Variants in PRSS23 observed in about 807,000 individuals in gnomAD.
PRSS23 encodes the protein protease, serine 23.
In PRSS23, 25 loss-of-function variants were observed where a neutral mutation model predicts 34.7. The observed-to-expected ratio is 0.72, with a 90% confidence interval of 0.53 to 1.01. PRSS23 has a LOEUF of 1.01. PRSS23 is among the 50% of genes least tolerant of loss of function. The pLI, the probability that PRSS23 is intolerant of heterozygous loss-of-function variation, is 0.00. For synonymous variants in PRSS23, 176 were observed against 186.6 expected, an observed-to-expected ratio of 0.94 and a Z score of 0.46; for missense variants, 445 against 475.6, an observed-to-expected ratio of 0.94 and a Z score of 0.60.
At chr11:86,853,237 C>T (rs1948543376) in intron 2 of PRSS23, among the ~76,000 whole-genome samples, 2 of 128,388 alleles carry the variant, frequency 1.6e-5, no homozygotes, top group Admixed American at 8.7e-5. Flanking sequence ...GTCACAAGTG[C>T]CTGCCTTTTT....
At position 86,920,612 on chromosome 11, in the gene PRSS23, C is replaced by T. The variant is rs1171822615; in HGVS notation, c.207-30604C>T. Among the ~76,000 whole-genome samples, 4 of 151,950 alleles carry T rather than the reference C, an allele frequency of 2.6e-5. No individual in the cohort carries two copies. The East Asian group carries it at 5.8e-4, about 22-fold the overall frequency. On this transcript the variant is annotated intron_variant, in intron 2 of 2. Coordinates refer to the PRSS23 transcript ENST00000533902. Reference sequence around the variant, plus strand: ...ATGGAGTTTGCCAGAGGAGACTCTTCAGGAAGAGAGAACAGAGTGGGAATA... The same window carrying T: ...ATGGAGTTTGCCAGAGGAGACTCTTTAGGAAGAGAGAACAGAGTGGGAATA...
chr11:86,821,467 A>G (rs1290985800), intron 1 of PRSS23: 2 of 1,606,232 alleles, frequency 1.2e-6, no homozygotes, highest in East Asian at 2.2e-5. Context: ...AGGCTATAGC[A>G]GGACACTCTT....
chr11:86,802,382 T>G (rs1252171899), intron 1 of PRSS23, among the ~76,000 whole-genome samples: 1 of 152,214 alleles, frequency 6.6e-6, no homozygotes, highest in Non-Finnish European at 1.5e-5. Context: ...ACTGTAATTC[T>G]TAAACGATTA....
intron 2 of PRSS23, chr11:86,832,530 C>T (rs930326388): frequency 1.9e-5 from 6 of 324,194 alleles, no homozygotes; most frequent in African/African-American, 1.3e-4. Flanking sequence ...TGAGATTAAA[C>T]TGTTCTGCCA....
At chr11:86,857,603 A>G (rs1041751027) in intron 2 of PRSS23, 6 of 511,054 alleles carry the variant, frequency 1.2e-5, no homozygotes, top group South Asian at 6.0e-5. Context: ...AGGATTCATG[A>G]TGACTCGGTA....
At chr11:86,868,747 C>T (rs1948666716) in intron 2 of PRSS23, among the ~76,000 whole-genome samples, 1 of 152,156 alleles carries the variant, frequency 6.6e-6, no homozygotes, top group Non-Finnish European at 1.5e-5. Flanking sequence ...GGAAGCAAAG[C>T]ACTTTGGAAT....
intron 2 of PRSS23, among the ~76,000 whole-genome samples, chr11:86,877,132 C>T (rs1410906605): frequency 2.0e-5 from 3 of 152,222 alleles, no homozygotes; most frequent in Admixed American, 2.0e-4. Context: ...CACAGTGCCT[C>T]ATTCAGCCCT....
intron 2 of PRSS23, among the ~76,000 whole-genome samples, chr11:86,897,381 C>T (rs1191683826): frequency 1.3e-5 from 2 of 151,676 alleles, no homozygotes; most frequent in Admixed American, 6.6e-5. Flanking sequence ...GCTGGAATTA[C>T]AGGAGTGAGC....
chr11:86,890,898 C>G (rs768802306), intron 2 of PRSS23, among the ~76,000 whole-genome samples: 62 of 152,174 alleles, frequency 4.1e-4, no homozygotes, highest in Non-Finnish European at 7.6e-4. Flanking sequence ...CTTCTTCAGC[C>G]TCTTGAACCT....
chr11:86,821,836 A>G (rs1948254720), intron 1 of PRSS23: 1 of 516,658 alleles, frequency 1.9e-6, no homozygotes, highest in Non-Finnish European at 3.4e-6. Context: ...GTCTGGGCCT[A>G]TTGGCTCGAT....
At chr11:86,792,988 T>C (rs1217042833) in intron 1 of PRSS23, among the ~76,000 whole-genome samples, 1 of 152,230 alleles carries the variant, frequency 6.6e-6, no homozygotes, top group Admixed American at 6.5e-5. Context: ...CCCAGGTAGC[T>C]GGGACTACAA....
Position 86,939,700 on chromosome 11 carries a change from A to T in PRSS23, c.207-11516A>T, listed in dbSNP as rs1949194270. Among the ~76,000 whole-genome samples, 7 of 148,888 alleles carry T rather than the reference A, an allele frequency of 4.7e-5. No individual in the cohort carries two copies. In the South Asian group the frequency reaches 1.5e-3, roughly 32 times the overall value. ...AGAATAAGTTCAGGAAATGGGTGAAATGTTCAGGAAGTTAGCTAAATGCTG... is the reference window on the plus strand; with the variant it reads ...AGAATAAGTTCAGGAAATGGGTGAATTGTTCAGGAAGTTAGCTAAATGCTG... On this transcript the variant is annotated intron_variant, in intron 2 of 2. Transcript: ENST00000533902.
chr11:86,843,181 TA>T (rs1426668887), intron 2 of PRSS23, among the ~76,000 whole-genome samples: 2 of 152,216 alleles, frequency 1.3e-5, no homozygotes, highest in Non-Finnish European at 2.9e-5. Flanking sequence ...AAGGATTCCC[TA>T]TTTAACAAAT....
chr11:86,825,594 T>C (rs1948293703), intron 2 of PRSS23, among the ~76,000 whole-genome samples: 1 of 150,702 alleles, frequency 6.6e-6, no homozygotes, highest in African/African-American at 2.4e-5. Context: ...GGTTTTCTTC[T>C]AGGGTTTTTA....
At chr11:86,847,816 AG>A (rs1948499030) in intron 2 of PRSS23, among the ~76,000 whole-genome samples, 1 of 152,190 alleles carries the variant, frequency 6.6e-6, no homozygotes, top group Non-Finnish European at 1.5e-5. Context: ...GTAAGCAGGA[AG>A]GTAAATGGAG....
At chr11:86,929,088 G>C (rs976767815) in intron 2 of PRSS23, among the ~76,000 whole-genome samples, 5 of 152,044 alleles carry the variant, frequency 3.3e-5, no homozygotes, top group African/African-American at 7.2e-5. Flanking sequence ...TTGGGAGGCC[G>C]AGGTGGGCAG....
At chr11:86,952,299 C>G (rs118039628) in exon 3 of PRSS23, 3 of 1,614,122 alleles carry the variant, frequency 1.9e-6, no homozygotes, top group Non-Finnish European at 2.5e-6. Flanking sequence ...TGGTTGTGGT[C>G]GTTCTGTGGT....
intron 2 of PRSS23, among the ~76,000 whole-genome samples, chr11:86,855,186 A>T (rs116269940): frequency 0.016 from 2,393 of 151,028 alleles, 63 homozygotes; most frequent in African/African-American, 0.056. Flanking sequence ...AAAAAAAAAT[A>T]CAGCATGATT....
chr11:86,917,852 A>T (rs1425530201), intron 2 of PRSS23, among the ~76,000 whole-genome samples: 1 of 152,208 alleles, frequency 6.6e-6, no homozygotes, highest in Non-Finnish European at 1.5e-5. Context: ...ACCAAACACC[A>T]CATGCTGGGC....
Sources: allele counts gnomAD v4.1 joint callset (sites outside exome capture counted in the v4.1 genomes callset), GRCh38; gene constraint gnomAD v4.1.1; transcripts MANE v1.5; gene names NCBI Gene and HGNC (gene_info 2026-07-23, HGNC 2026-07-21).